Variants in DSCAML1 observed in about 807,000 individuals in gnomAD.
The protein encoded by DSCAML1 is DS cell adhesion molecule like 1, also known as cell adhesion molecule DSCAML1.
Under a neutral mutation model 200.5 loss-of-function variants are expected in DSCAML1, and 38 were observed. The ratio of observed to expected loss-of-function variants is 0.19; its 90% CI spans 0.15 to 0.25. The LOEUF (loss-of-function observed/expected upper bound fraction) is 0.25, where lower values mean the gene tolerates loss of function less well. DSCAML1 is among the 10% of genes least tolerant of loss of function. The pLI, the probability that DSCAML1 is intolerant of heterozygous loss-of-function variation, is 1.00. For synonymous variants in DSCAML1, 1,215 were observed against 1,165.0 expected, an observed-to-expected ratio of 1.04 and a Z score of -0.87; for missense variants, 2,223 against 2,858.8, an observed-to-expected ratio of 0.78 and a Z score of 5.07.
chr11:117,615,232 G>A (rs1260546861), intron 3 of DSCAML1, among the ~76,000 whole-genome samples: 2 of 152,196 alleles, frequency 1.3e-5, no homozygotes, highest in South Asian at 2.1e-4. Context: ...AAACGGAGGT[G>A]ACAATAATGT....
At chr11:117,715,713 G>T (rs1225648029) in intron 3 of DSCAML1, among the ~76,000 whole-genome samples, 5 of 152,170 alleles carry the variant, frequency 3.3e-5, no homozygotes, top group Non-Finnish European at 5.9e-5. Context: ...GGGTGGGTTG[G>T]CTGGGGAAGC....
chr11:117,541,033 C>A (rs1257170978), intron 3 of DSCAML1, among the ~76,000 whole-genome samples: 1 of 152,206 alleles, frequency 6.6e-6, no homozygotes, highest in South Asian at 2.1e-4. Context: ...AAGTTCACGG[C>A]TTAAGGAATG....
At chr11:117,597,401 T>TCTAACTC (rs2137500064) in intron 3 of DSCAML1, among the ~76,000 whole-genome samples, 1 of 152,264 alleles carries the variant, frequency 6.6e-6, no homozygotes, top group Non-Finnish European at 1.5e-5. Flanking sequence ...CAACCTGAGT[T>TCTAACTC]AGAGACCAAG....
At chr11:117,715,807 C>T (rs756522099) in intron 3 of DSCAML1, among the ~76,000 whole-genome samples, 45 of 152,288 alleles carry the variant, frequency 3.0e-4, no homozygotes, top group Non-Finnish European at 5.9e-5. Context: ...GGGCTTGTAA[C>T]CATCCCAGAC....
intron 3 of DSCAML1, among the ~76,000 whole-genome samples, chr11:117,680,914 A>T (rs1292171562): frequency 2.0e-5 from 3 of 152,176 alleles, no homozygotes; most frequent in African/African-American, 7.2e-5. Flanking sequence ...CTCTTGAAGC[A>T]CAGAGCCTGA....
In DSCAML1 at chr11:117,718,059, C is replaced by T. The variant is rs1004421676; in HGVS notation, c.511+58732G>A. 2.0e-5 allele frequency among the ~76,000 whole-genome samples: 3 copies of T among 152,342 alleles called. No individual in the cohort carries two copies. The South Asian group carries it at 6.2e-4, about 32-fold the overall frequency. ...GTCTCAGCATATTTTAAATGTTTGC[C>T]ACATGCCAGACATTAATATTTTAAC... On this transcript the variant is annotated intron_variant, in intron 3 of 32. Transcript: ENST00000651296.
Position 117,565,433 on chromosome 11 carries a change from C to T in DSCAML1, c.512-32911G>A, listed in dbSNP as rs1027227039. On this transcript the variant is annotated intron_variant, in intron 3 of 32. Coordinates refer to ENST00000651296, the MANE Select transcript of DSCAML1 (RefSeq NM_020693.4). ...CTAGGTCTTATTTCTTCTCTCAAAC[C>T]GTGTATTTGTACCTATGCCCCTTAG... Among the ~76,000 whole-genome samples, 9 of 152,176 alleles carry T rather than the reference C, an allele frequency of 5.9e-5. No individual in the cohort carries two copies. The East Asian group carries it at 1.3e-3, about 23-fold the overall frequency.
At position 117,518,198 on chromosome 11, in the gene DSCAML1, G is replaced by T. The variant is rs1458191454; in HGVS notation, c.1510+268C>A. Among the ~76,000 whole-genome samples the T allele has an allele frequency of 6.6e-6, 1 of 152,098 alleles. No homozygotes were observed. Among genetic ancestry groups the T allele is most frequent in the African/African-American group, 2.4e-5 (1 of 41,406 alleles). ...GGCTAGAGGGTAAGAGAAGGGGCTG[G>T]GCTGGCTGGATTTCTGGACAGGAGG... On this transcript the variant is annotated intron_variant, in intron 7 of 32. Coordinates refer to ENST00000651296, the MANE Select transcript of DSCAML1 (RefSeq NM_020693.4). The surrounding 1 kb of genome is among the most constrained non-coding windows in gnomAD (Gnocchi z 6.3).
chr11:117,728,773 T>C lies in DSCAML1; in HGVS notation c.511+48018A>G, dbSNP rs138897098. On this transcript the variant is annotated intron_variant, in intron 3 of 32. Transcript: ENST00000651296. ...ATGCTCTGAAAACCATAAAACATTATTGAAAGTAATTAAAGAAGACATAAA... is the reference window on the plus strand; with the variant it reads ...ATGCTCTGAAAACCATAAAACATTACTGAAAGTAATTAAAGAAGACATAAA... Among the ~76,000 whole-genome samples, 1,455 of 152,244 alleles carry C rather than the reference T, an allele frequency of 9.6e-3. 17 individuals are homozygous for C. The highest frequency in any genetic ancestry group is 0.037 in the Middle Eastern group (11 of 294).
chr11:117,593,718 T>TA (rs1305410659), intron 3 of DSCAML1, among the ~76,000 whole-genome samples: 1 of 150,092 alleles, frequency 6.7e-6, no homozygotes, highest in Non-Finnish European at 1.5e-5. Context: ...CTTGTTTTTT[T>TA]TTTTTTTTTT....
At chr11:117,636,005 C>T (rs2052275010) in intron 3 of DSCAML1, among the ~76,000 whole-genome samples, 1 of 152,074 alleles carries the variant, frequency 6.6e-6, no homozygotes, top group South Asian at 2.1e-4. Context: ...TGCAACTGAG[C>T]TGTGTTCAGA....
At chr11:117,664,061 AG>A (rs2052922363) in intron 3 of DSCAML1, among the ~76,000 whole-genome samples, 1 of 152,168 alleles carries the variant, frequency 6.6e-6, no homozygotes, top group Admixed American at 6.5e-5. Flanking sequence ...AGCAGCCGGG[AG>A]GAGGGGCCGG....
chr11:117,774,280 C>T (rs886694892), intron 3 of DSCAML1, among the ~76,000 whole-genome samples: 1 of 152,146 alleles, frequency 6.6e-6, no homozygotes, highest in African/African-American at 2.4e-5. Flanking sequence ...GAGAACAATC[C>T]AGTTCCGGCC....
chr11:117,429,392 A>C (rs947676090), intron 32 of DSCAML1, among the ~76,000 whole-genome samples: 3 of 152,048 alleles, frequency 2.0e-5, no homozygotes, highest in Admixed American at 2.0e-4. Context: ...CCTCTTCTCC[A>C]GGTGGAAAGT....
chr11:117,613,885 C>CA (rs1194107344), intron 3 of DSCAML1, among the ~76,000 whole-genome samples: 1 of 152,108 alleles, frequency 6.6e-6, no homozygotes, highest in Non-Finnish European at 1.5e-5. Flanking sequence ...CCAGCCACCC[C>CA]TCCCCTTGCC....
intron 3 of DSCAML1, among the ~76,000 whole-genome samples, chr11:117,776,318 C>T (rs1033697946): frequency 6.6e-6 from 1 of 152,142 alleles, no homozygotes; most frequent in Admixed American, 6.5e-5. Context: ...AAGGAAAGTC[C>T]CCATACACAT....
At chr11:117,776,052 C>T (rs1033645589) in intron 3 of DSCAML1, among the ~76,000 whole-genome samples, 3 of 152,098 alleles carry the variant, frequency 2.0e-5, no homozygotes, top group Non-Finnish European at 2.9e-5. Context: ...GGAAAAATCC[C>T]GCAGTTTTGT....
intron 8 of DSCAML1, among the ~76,000 whole-genome samples, chr11:117,510,645 T>C (rs1354056305): frequency 6.6e-6 from 1 of 152,190 alleles, no homozygotes; most frequent in African/African-American, 2.4e-5. Context: ...CTTTCCTCAC[T>C]AAAATGTAAA....
At chr11:117,711,054 T>C (rs1369943703) in intron 3 of DSCAML1, among the ~76,000 whole-genome samples, 1 of 152,184 alleles carries the variant, frequency 6.6e-6, no homozygotes, top group Non-Finnish European at 1.5e-5. Context: ...TGCTCCTGTC[T>C]TCGCTAGAGA....
Sources: gnomAD v4.1 joint callset for allele counts (sites outside exome capture counted in the v4.1 genomes callset) on GRCh38, gnomAD v4.1.1 for gene constraint, Gnocchi (gnomAD v3.1) non-coding constraint, MANE v1.5 for transcripts, NCBI Gene and HGNC (gene_info 2026-07-23, HGNC 2026-07-21) for gene names.